The following TJP2 variants were observed in gnomAD, a reference collection of about 807,000 sequenced individuals.
TJP2 encodes Friedreich ataxia region gene X104 (tight junction protein ZO-2).
In TJP2, 91 loss-of-function variants were observed where a neutral mutation model predicts 133.1. That is an observed-to-expected ratio of 0.68 (90% CI 0.58 to 0.81). The LOEUF (loss-of-function observed/expected upper bound fraction) is 0.81, where lower values mean the gene tolerates loss of function less well. TJP2 is among the 40% of genes least tolerant of loss of function. TJP2 has a pLI of 0.00. For synonymous variants in TJP2, 592 were observed against 583.4 expected (o/e 1.01, Z -0.21); for missense variants, 1,541 against 1,565.6 (o/e 0.98, Z 0.26).
exon 2 of TJP2, chr9:69,151,671 T>G: frequency 8.1e-7 from 1 of 1,232,126 alleles, no homozygotes; most frequent in Non-Finnish European, 1.0e-6. Context: ...ACCACATTAC[T>G]GTCATCTCCC....
chr9:69,180,336 T>C (rs964884138), intron 1 of TJP2, among the ~76,000 whole-genome samples: 10 of 152,192 alleles, frequency 6.6e-5, no homozygotes, highest in African/African-American at 2.4e-4. Context: ...ATTTTGTCAC[T>C]TGAGTTGAAG....
intron 17 of TJP2, among the ~76,000 whole-genome samples, chr9:69,241,590 C>G (rs1379760101): frequency 2.0e-5 from 3 of 152,182 alleles, no homozygotes; most frequent in Non-Finnish European, 2.9e-5. Flanking sequence ...AGTGGTCCAT[C>G]ATAAACTAGA....
intron 1 of TJP2, among the ~76,000 whole-genome samples, chr9:69,131,269 C>T (rs1267415503): frequency 6.6e-6 from 1 of 152,184 alleles, no homozygotes; most frequent in African/African-American, 2.4e-5. Flanking sequence ...GGCATGCAGT[C>T]ATCTTAGCAT....
Position 69,124,173 on chromosome 9 carries a change from C to T in TJP2, c.-131+2448C>T, listed in dbSNP as rs1292135806. Among the ~76,000 whole-genome samples the T allele has an allele frequency of 2.7e-5, 2 of 72,902 alleles. 1 individual carries two copies. The highest frequency in any genetic ancestry group is 8.6e-5 in the African/African-American group (2 of 23,326). 47.8% of individuals were successfully genotyped at this position (72,902 alleles called of 152,430 possible). A position where few individuals can be genotyped will look rare whatever the true frequency, so the allele number is the denominator to read the frequency against. On this transcript the variant is annotated intron_variant, in intron 1 of 5. Coordinates refer to the TJP2 transcript ENST00000423935. The stretch of plus-strand genomic sequence containing the variant: ...GGGATTACAGGCCTGAGCCACGGCG[C>T]CCAGCCTTATTTTATTTTTTGAGAC...
At chr9:69,248,305 GT>G in intron 19 of TJP2, 81 bp downstream of exon 19, 1 of 1,502,282 alleles carries the variant, frequency 6.7e-7, no homozygotes, top group Non-Finnish European at 8.9e-7. Context: ...TGTGTTCAGG[GT>G]GCTGTGGAAG....
chr9:69,132,545 G>A (rs979367423), intron 1 of TJP2, among the ~76,000 whole-genome samples: 2 of 152,188 alleles, frequency 1.3e-5, no homozygotes, highest in South Asian at 4.1e-4. Context: ...TGATAACTGG[G>A]ATTCCTGCAC....
Position 69,238,565 on chromosome 9 carries a change from A to G in TJP2, c.2276-145A>G, listed in dbSNP as rs1035723553. 26 of 716,454 alleles carry G rather than the reference A, an allele frequency of 3.6e-5. No homozygotes were observed. In the African/African-American group the frequency reaches 4.4e-4, roughly 12 times the overall value. 44.4% of individuals were successfully genotyped at this position (716,454 alleles called of 1,614,324 possible). On this transcript the variant is annotated intron_variant, in intron 15 of 22. Coordinates refer to ENST00000377245, the MANE Select transcript of TJP2 (RefSeq NM_004817.4). ...TTTCTTCATGATTAGATTTCCACTA[A>G]GCAGGTTATGTGGGTCCTTCCCACT... is the stretch of plus-strand genomic sequence containing the variant.
chr9:69,247,972 ACAT>A (rs1237470171), intron 18 of TJP2, 37 bp from the exon 19 acceptor site: 37 of 1,524,654 alleles, frequency 2.4e-5, no homozygotes, highest in Non-Finnish European at 3.2e-5. Context: ...CCCAGGAGCC[ACAT>A]CAGACCCCAC....
intron 1 of TJP2, chr9:69,145,578 T>C (rs878962772): frequency 2.8e-4 from 141 of 504,994 alleles, no homozygotes; most frequent in Middle Eastern, 1.1e-3. Context: ...CGGTTGTGTT[T>C]AATAGATCTA....
intron 17 of TJP2, among the ~76,000 whole-genome samples, chr9:69,244,319 G>A (rs1008120324): frequency 2.6e-5 from 4 of 151,678 alleles, no homozygotes; most frequent in Non-Finnish European, 4.4e-5. Context: ...CCCATTAGCA[G>A]TCATTCCCCA....
chr9:69,155,446 G>A (rs1394774066), intron 2 of TJP2, among the ~76,000 whole-genome samples: 15 of 152,198 alleles, frequency 9.9e-5, no homozygotes, highest in African/African-American at 3.6e-4. Flanking sequence ...CATCGGTATC[G>A]CCTGGAGGGC....
intron 1 of TJP2, among the ~76,000 whole-genome samples, chr9:69,199,821 G>A (rs1564428893): frequency 1.3e-5 from 2 of 152,156 alleles, no homozygotes; most frequent in Non-Finnish European, 1.5e-5. Flanking sequence ...CGAGGGTCTG[G>A]AGTCAGGCAG....
At chr9:69,159,441 T>C (rs1484584412) in intron 2 of TJP2, among the ~76,000 whole-genome samples, 1 of 152,218 alleles carries the variant, frequency 6.6e-6, no homozygotes, top group East Asian at 1.9e-4. Context: ...CAAACATTTA[T>C]GCATATATAA....
chr9:69,176,944 G>A (rs1271977601), intron 1 of TJP2, among the ~76,000 whole-genome samples: 1 of 152,154 alleles, frequency 6.6e-6, no homozygotes. Context: ...GACTTGGTTG[G>A]GGAGAGGCAT....
chr9:69,166,354 T>C (rs945883359), intron 2 of TJP2, among the ~76,000 whole-genome samples: 1 of 152,066 alleles, frequency 6.6e-6, no homozygotes, highest in Non-Finnish European at 1.5e-5. Context: ...CCTCCCATCT[T>C]GGCCTCCCAA....
intron 2 of TJP2, among the ~76,000 whole-genome samples, chr9:69,154,266 G>C (rs1469051624): frequency 6.6e-6 from 1 of 152,182 alleles, no homozygotes; most frequent in East Asian, 1.9e-4. Flanking sequence ...GCTGCCTGGA[G>C]TTAAGGATTT....
At chr9:69,180,797 G>A (rs947803250) in intron 1 of TJP2, among the ~76,000 whole-genome samples, 6 of 152,182 alleles carry the variant, frequency 3.9e-5, no homozygotes, top group South Asian at 2.1e-4. Flanking sequence ...TGGTTTCTGC[G>A]TTACCCTTCT....
intron 1 of TJP2, among the ~76,000 whole-genome samples, chr9:69,198,986 G>T (rs141230416): frequency 6.6e-6 from 1 of 152,170 alleles, no homozygotes; most frequent in Admixed American, 6.5e-5. Flanking sequence ...CTCATTTTCT[G>T]CCTTCTCTGG....
chr9:69,236,320 A>T (rs756367997), intron 13 of TJP2, 82 bp downstream of exon 13: 2 of 1,385,284 alleles, frequency 1.4e-6, no homozygotes, highest in Non-Finnish European at 2.0e-6. Context: ...TCCCCCGTAA[A>T]AGGAAACCCC....
Sources: allele counts gnomAD v4.1 joint callset (sites outside exome capture counted in the v4.1 genomes callset), GRCh38; gene constraint gnomAD v4.1.1; transcripts MANE v1.5; gene names NCBI Gene and HGNC (gene_info 2026-07-23, HGNC 2026-07-21).